The following PLEKHM1 variants were observed in gnomAD, a reference collection of about 807,000 sequenced individuals.
The protein encoded by PLEKHM1 is pleckstrin homology domain-containing family M member 1.
Under a neutral mutation model 94.3 loss-of-function variants are expected in PLEKHM1, and 28 were observed. That is an observed-to-expected ratio of 0.30 (90% confidence interval 0.22 to 0.41). The LOEUF is 0.41. PLEKHM1 is among the 10% of genes least tolerant of loss of function. The pLI, the probability that PLEKHM1 is intolerant of heterozygous loss-of-function variation, is 1.00. For synonymous variants in PLEKHM1, 424 were observed against 581.2 expected (o/e 0.73, Z 3.89); for missense variants, 907 against 1,358.6 (o/e 0.67, Z 5.22).
rs765508809 is a variant in PLEKHM1 at position 45,453,330 on chromosome 17, G to A, written c.2497+25C>T. On this transcript the variant is annotated intron_variant, in intron 7 of 11. Transcript: ENST00000430334. The surrounding 1 kb of genome is among the most constrained non-coding windows in gnomAD (Gnocchi z 4.1). ...AGGTGGAGTGAGGCTGGCAGGCTGG[G>A]GGTGGCAGCAGAGCAAATCGGCACC... 4 of 1,606,688 alleles carry A rather than the reference G, an allele frequency of 2.5e-6. No homozygotes were observed. In the South Asian group the frequency reaches 3.3e-5, roughly 13 times the overall value.
At chr17:45,476,005 T>C (rs534477073) in intron 3 of PLEKHM1, 2 of 514,522 alleles carry the variant, frequency 3.9e-6, no homozygotes, top group Non-Finnish European at 3.5e-6. Flanking sequence ...TAGCCAGATG[T>C]GGTGGCTTGC....
rs1020598516 is a variant in PLEKHM1, at chr17:45,458,042, T to C, written c.1579+127A>G. Reference sequence around the variant, plus strand: ...ACATGATTATGATGGCATTCTGGAATGAGGTTTTATAACACTTGTGGGAAC... The same window carrying C: ...ACATGATTATGATGGCATTCTGGAACGAGGTTTTATAACACTTGTGGGAAC... On this transcript the variant is annotated intron_variant, in intron 6 of 11. Transcript: ENST00000430334. The C allele has an allele frequency of 5.7e-6, 4 of 699,622 alleles. No homozygotes were observed. The East Asian group carries it at 8.2e-5, about 14-fold the overall frequency. 43.3% of individuals were successfully genotyped at this position (699,622 alleles called of 1,614,324 possible).
chr17:45,454,923 G>A (rs2050899548), intron 6 of PLEKHM1: 2 of 163,850 alleles, frequency 1.2e-5, no homozygotes. Context: ...GAGGTCAGGA[G>A]TTTGAGACCA....
chr17:45,485,564 A>T (rs1289224767), intron 1 of PLEKHM1, among the ~76,000 whole-genome samples: 4 of 152,318 alleles, frequency 2.6e-5, no homozygotes, highest in Admixed American at 2.0e-4. Context: ...GGAGCAGGCC[A>T]TTGGTAAGTG....
At chr17:45,452,419 A>G (rs1393220359) in intron 7 of PLEKHM1, among the ~76,000 whole-genome samples, 5 of 144,692 alleles carry the variant, frequency 3.5e-5, no homozygotes, top group African/African-American at 1.0e-4. Context: ...CCCCATCTCT[A>G]CTAAAACAAA....
intron 2 of PLEKHM1, among the ~76,000 whole-genome samples, chr17:45,481,765 C>G (rs1206545808): frequency 6.6e-6 from 1 of 151,684 alleles, no homozygotes; most frequent in Non-Finnish European, 1.5e-5. Context: ...GGGAAAGGCA[C>G]GTCTCTGAGA....
chr17:45,441,785 T>G (rs573883545), intron 9 of PLEKHM1, among the ~76,000 whole-genome samples: 4 of 152,286 alleles, frequency 2.6e-5, no homozygotes, highest in Admixed American at 2.0e-4. Flanking sequence ...ACTTGGGGCC[T>G]CAGTTTCTCC....
At position 45,436,372 on chromosome 17, in the gene PLEKHM1, C is replaced by T. The variant is rs1340410575; in HGVS notation, c.*1486G>A. 2.2e-6 allele frequency: 1 copy of T among 454,026 alleles called. No homozygotes were observed. Among genetic ancestry groups the T allele is most frequent in the African/African-American group, 2.0e-5 (1 of 50,014 alleles). 28.1% of individuals were successfully genotyped at this position (454,026 alleles called of 1,614,324 possible). ...CGGGAGAAGCTGTGCGCAGCCTCCACCTGCCTGCCACCGTTGCCTCTGTTC... is the reference window on the plus strand; with the variant it reads ...CGGGAGAAGCTGTGCGCAGCCTCCATCTGCCTGCCACCGTTGCCTCTGTTC... On this transcript the variant is annotated 3_prime_UTR_variant, in exon 12 of 12. Coordinates refer to ENST00000430334, the MANE Select transcript of PLEKHM1 (RefSeq NM_014798.3).
intron 2 of PLEKHM1, among the ~76,000 whole-genome samples, 178 bp from the exon 3 acceptor site, chr17:45,478,325 A>T (rs2051825733): frequency 6.6e-6 from 1 of 152,254 alleles, no homozygotes; most frequent in Non-Finnish European, 1.5e-5. Context: ...AAAGAAAGAT[A>T]AAGCATAGAG....
At position 45,449,288 on chromosome 17, in the gene PLEKHM1, G is replaced by A. The variant is rs549483983; in HGVS notation, c.2643+1330C>T. Among the ~76,000 whole-genome samples, 262 of 149,500 alleles carry A rather than the reference G, an allele frequency of 1.8e-3. 1 individual carries two copies. The highest frequency in any genetic ancestry group is 5.9e-3 in the African/African-American group (237 of 40,492). On this transcript the variant is annotated intron_variant, in intron 8 of 11. Coordinates refer to ENST00000430334, the MANE Select transcript of PLEKHM1 (RefSeq NM_014798.3). ...CCATCCACCCAGCCATCTACCCACCGTCCACCCATCTACCCATCTACCTAC... is the reference window on the plus strand; with the variant it reads ...CCATCCACCCAGCCATCTACCCACCATCCACCCATCTACCCATCTACCTAC...
chr17:45,470,401 G>T (rs1365477500), intron 4 of PLEKHM1, among the ~76,000 whole-genome samples: 1 of 152,026 alleles, frequency 6.6e-6, no homozygotes, highest in African/African-American at 2.4e-5. Flanking sequence ...GGCCAAGGCG[G>T]GTGGATCACC....
Position 45,474,625 on chromosome 17 carries a change from C to T in PLEKHM1, c.923+475G>A, listed in dbSNP as rs534588799. Among the ~76,000 whole-genome samples the T allele has an allele frequency of 2.0e-5, 3 of 152,376 alleles. No individual in the cohort carries two copies. In the East Asian group the frequency reaches 5.8e-4, roughly 29 times the overall value. On this transcript the variant is annotated intron_variant, in intron 4 of 11. Transcript: ENST00000430334. ...TCTAGATGAAGACAACAATATTTTA[C>T]ACTGTGCCTTGTAGAGACTAAGTAT...
chr17:45,490,564 C>G, intron 1 of PLEKHM1, 88 bp downstream of exon 1: 1 of 402,824 alleles, frequency 2.5e-6, no homozygotes, highest in Non-Finnish European at 5.1e-6. Flanking sequence ...CTGGGAATCG[C>G]GGAGGGAGCG....
At position 45,453,865 on chromosome 17, in the gene PLEKHM1, C is replaced by T. The variant is rs1263424432; in HGVS notation, c.1987G>A (p.Glu663Lys). 2 of 1,613,962 alleles carry T rather than the reference C, an allele frequency of 1.2e-6. No individual in the cohort carries two copies. The highest frequency in any genetic ancestry group is 8.5e-7 in the Non-Finnish European group (1 of 1,179,862). The change falls in exon 7 of 12, where the codon GAG (glutamate) becomes AAG (lysine). Residue 663 changes from glutamate to lysine, a missense_variant. This residue lies in a region of PLEKHM1 where 477 missense variants were observed against 601.5 expected (regional missense o/e 0.79). Transcript: ENST00000430334. The surrounding 1 kb of genome is among the most constrained non-coding windows in gnomAD (Gnocchi z 4.1). ...TGTGTGCCCTGGAGGGCCGCGGGCTCCGAGAGCAGGTCTGAGGGAGAGAGG... is the reference window on the plus strand; with the variant it reads ...TGTGTGCCCTGGAGGGCCGCGGGCTTCGAGAGCAGGTCTGAGGGAGAGAGG... ...GCLSPSDLLS[E>K]PAALQGTQFD...
chr17:45,439,415 G>A, intron 11 of PLEKHM1, 62 bp downstream of exon 11: 1 of 1,583,122 alleles, frequency 6.3e-7, no homozygotes, highest in Non-Finnish European at 8.7e-7. Flanking sequence ...GCGTGCTTGG[G>A]CCAGGCTGTG....
chr17:45,468,834 C>T (rs2051408017), intron 4 of PLEKHM1, among the ~76,000 whole-genome samples: 3 of 152,066 alleles, frequency 2.0e-5, no homozygotes, highest in South Asian at 4.1e-4. Flanking sequence ...GGATCTCAGG[C>T]GAAAAAGCTC....
chr17:45,436,686 T>A lies in PLEKHM1; in HGVS notation c.*1172A>T. The stretch of plus-strand genomic sequence containing the variant: ...ACTCCCACCCCAGCCCCAAGGCCCC[T>A]TCAAAGGCAGTCCTGCTCCGGGGAA... On this transcript the variant is annotated 3_prime_UTR_variant, in exon 12 of 12. Coordinates refer to ENST00000430334, the MANE Select transcript of PLEKHM1 (RefSeq NM_014798.3). 2.2e-6 allele frequency: 1 copy of A among 453,990 alleles called. No homozygotes were observed. The highest frequency in any genetic ancestry group is 4.4e-6 in the Non-Finnish European group (1 of 226,772). The allele number at this position is 453,990 out of a possible 1,614,324, so 28.1% of individuals were successfully genotyped here. A position where few individuals can be genotyped will look rare whatever the true frequency, so the allele number is the denominator to read the frequency against.
At chr17:45,480,194 A>AT (rs1465700615) in intron 2 of PLEKHM1, among the ~76,000 whole-genome samples, 1 of 152,260 alleles carries the variant, frequency 6.6e-6, no homozygotes, top group East Asian at 1.9e-4. Context: ...ATTTTAGAAG[A>AT]TTTTCTGGCC....
chr17:45,437,296 A>G lies in PLEKHM1; in HGVS notation c.*562T>C. ...CCAAGGAAAGGCACTGGGTGGGCCC[A>G]TAGACCCTGTCCCAGCAGTGGCCTG... On this transcript the variant is annotated 3_prime_UTR_variant, in exon 12 of 12. Transcript: ENST00000430334. This position sits in a 1 kb window ranked among gnomAD's most constrained non-coding sequence, Gnocchi z 4.0. 2.2e-6 allele frequency: 1 copy of G among 454,128 alleles called. No homozygotes were observed. The highest frequency in any genetic ancestry group is 1.6e-5 in the South Asian group (1 of 64,480). The allele number at this position is 454,128 out of a possible 1,614,324, so 28.1% of individuals were successfully genotyped here.
Sources: allele counts gnomAD v4.1 joint callset (sites outside exome capture counted in the v4.1 genomes callset), GRCh38; gene constraint gnomAD v4.1.1; regional missense constraint gnomAD v4.1.1; non-coding constraint Gnocchi (gnomAD v3.1); transcripts MANE v1.5; gene names NCBI Gene and HGNC (gene_info 2026-07-23, HGNC 2026-07-21).